The following POLR1C variants were observed in gnomAD, a reference collection of about 807,000 sequenced individuals.
POLR1C encodes DNA-directed RNA polymerases I and III subunit RPAC1.
Under a neutral mutation model 38.3 loss-of-function variants are expected in POLR1C, and 42 were observed. The ratio of observed to expected loss-of-function variants is 1.10; its 90% CI spans 0.86 to 1.42. POLR1C has a LOEUF of 1.42. Ranked by LOEUF, POLR1C falls within the 40% of genes most tolerant of loss-of-function variation. The pLI is 0.00. For missense variants in POLR1C, 507 were observed against 450.5 expected (o/e 1.13, Z -1.14); for synonymous variants, 163 against 163.9 (o/e 0.99, Z 0.04).
At chr6:43,543,229 G>A (rs1794789156) in intron 9 of POLR1C, among the ~76,000 whole-genome samples, 1 of 152,084 alleles carries the variant, frequency 6.6e-6, no homozygotes, top group Non-Finnish European at 1.5e-5. Flanking sequence ...ACTTTGGGAG[G>A]ATCTCTTGAG....
chr6:43,536,787 A>G lies in POLR1C; in HGVS notation c.*4+7428A>G, dbSNP rs796867710. Among the ~76,000 whole-genome samples the G allele has an allele frequency of 5.5e-3, 814 of 148,528 alleles. 13 individuals are homozygous for G. Among genetic ancestry groups the G allele is most frequent in the African/African-American group, 0.02 (774 of 39,082 alleles). ...AAAAAAAAAAAAAAAAAAAAAAAAAAAAAGCAGCTTTACTTTTTGGGTTTT... is the reference window on the plus strand; with the variant it reads ...AAAAAAAAAAAAAAAAAAAAAAAAAGAAAGCAGCTTTACTTTTTGGGTTTT... On this transcript the variant is annotated intron_variant, in intron 9 of 10. Transcript: ENST00000607635.
chr6:43,538,139 C>CTTTTT lies in POLR1C; in HGVS notation c.*4+8804_*4+8808dup, dbSNP rs1160662301. ...TATAAATTTAGAGCCTAAGAGACAT[C>CTTTTT]TTTTTTTTTTTTTTTTTTTTTTTTT... is the stretch of plus-strand genomic sequence containing the variant. On this transcript the variant is annotated intron_variant, in intron 9 of 10. Transcript: ENST00000607635. 2.9e-3 allele frequency among the ~76,000 whole-genome samples: 140 copies of CTTTTT among 48,940 alleles called. 17 individuals carry two copies. The highest frequency in any genetic ancestry group is 0.01 in the African/African-American group (127 of 12,112). The allele number at this position is 48,940 out of a possible 152,430, so 32.1% of individuals were successfully genotyped here. A position where few individuals can be genotyped will look rare whatever the true frequency, so the allele number is the denominator to read the frequency against.
At chr6:43,557,127 CAA>C (rs58974895) in intron 10 of POLR1C, among the ~76,000 whole-genome samples, 20 of 61,042 alleles carry the variant, frequency 3.3e-4, no homozygotes, top group Admixed American at 6.1e-4. Flanking sequence ...GACTCCATCT[CAA>C]AAAAAAAAAA....
At chr6:43,536,411 A>G (rs1399657020) in intron 9 of POLR1C, among the ~76,000 whole-genome samples, 2 of 136,398 alleles carry the variant, frequency 1.5e-5, no homozygotes, top group Non-Finnish European at 3.3e-5. Context: ...TGAGACTCCA[A>G]CTCGACAAAA....
At chr6:43,523,806 C>A (rs752163480), downstream of POLR1C, 2 of 1,613,030 alleles carry the variant, frequency 1.2e-6, no homozygotes, top group East Asian at 2.2e-5. Flanking sequence ...GCCTAGAGAT[C>A]GGCTACAAAG....
chr6:43,551,154 G>C, intron 10 of POLR1C: 1 of 764,902 alleles, frequency 1.3e-6, no homozygotes, highest in Non-Finnish European at 1.9e-6. Context: ...TACTCAGAAG[G>C]GTGAGGTGTG....
downstream of POLR1C, chr6:43,526,289 T>C (rs1052372303): frequency 7.0e-5 from 25 of 356,408 alleles, no homozygotes; most frequent in Non-Finnish European, 1.1e-4. Context: ...ACATGGGAGA[T>C]AGGTAAGAAA....
intron 10 of POLR1C, chr6:43,555,810 A>G (rs756979725): frequency 6.2e-7 from 1 of 1,613,506 alleles, no homozygotes. Context: ...ACATTTCACT[A>G]ACATTCAGTA....
chr6:43,523,939 T>G (rs1177519808), downstream of POLR1C: 4 of 1,614,010 alleles, frequency 2.5e-6, no homozygotes, highest in South Asian at 3.3e-5. Context: ...ATTGGCTTTG[T>G]TTTTTTGAAA....
Position 43,560,154 on chromosome 6 carries a change from CAT to C in POLR1C, c.*49-1245_*49-1244del, listed in dbSNP as rs749053514. Reference sequence around the variant, plus strand: ...ATTATGTGTATTCACCTACATTCCACATGTTTAGATTCCCATTATATACCTTG... The same window carrying C: ...ATTATGTGTATTCACCTACATTCCACGTTTAGATTCCCATTATATACCTTG... On this transcript the variant is annotated intron_variant, in intron 10 of 10. Coordinates refer to the POLR1C transcript ENST00000607635. 5.5e-4 allele frequency: 879 copies of C among 1,608,962 alleles called. 2 individuals are homozygous for C. The highest frequency in any genetic ancestry group is 7.1e-4 in the Non-Finnish European group (836 of 1,177,024).
intron 9 of POLR1C, chr6:43,539,740 T>C: frequency 3.3e-6 from 2 of 610,252 alleles, no homozygotes; most frequent in South Asian, 4.0e-5. Flanking sequence ...CATTTTTCTA[T>C]TCTTGGGAAT....
chr6:43,531,862 A>G (rs747710107), downstream of POLR1C, among the ~76,000 whole-genome samples: 43 of 152,276 alleles, frequency 2.8e-4, no homozygotes, highest in Non-Finnish European at 5.6e-4. Flanking sequence ...ATTTTTCCAT[A>G]AAGCTCTGGG....
chr6:43,536,604 C>T (rs1169431717), intron 9 of POLR1C, among the ~76,000 whole-genome samples: 1 of 151,028 alleles, frequency 6.6e-6, no homozygotes, highest in Admixed American at 6.6e-5. Context: ...ACTAAGAATA[C>T]AGAAATTAGC....
chr6:43,525,149 G>A (rs1447041274), downstream of POLR1C: 1 of 1,583,560 alleles, frequency 6.3e-7, no homozygotes, highest in Non-Finnish European at 8.6e-7. Flanking sequence ...TTGTCCTCTG[G>A]CAGGACAGAG....
At chr6:43,537,978 G>C (rs1794446212) in intron 9 of POLR1C, among the ~76,000 whole-genome samples, 1 of 150,460 alleles carries the variant, frequency 6.6e-6, no homozygotes, top group Non-Finnish European at 1.5e-5. Context: ...TGAGGCAGTC[G>C]AGAGGCTGAG....
chr6:43,520,367 A>G lies in POLR1C; in HGVS notation c.595A>G (p.Ile199Val). The change falls in exon 6 of 9, where the codon ATC becomes GTC. Residue 199 changes from isoleucine (I) to valine (V), a missense_variant. Ile to Val is a conservative substitution (Grantham distance 29). Coordinates refer to ENST00000642195, the MANE Select transcript of POLR1C (RefSeq NM_203290.4). ...TIRPVHDDIL[I>V]AQLRPGQEID... ...CCGACCAGTGCATGATGATATCCTC[A>G]TCGCTCAGCTGCGGCCTGGCCAAGA... 6.2e-7 allele frequency: 1 copy of G among 1,613,330 alleles called. No homozygotes were observed. Among genetic ancestry groups the G allele is most frequent in the Non-Finnish European group, 8.5e-7 (1 of 1,179,586 alleles).
rs144114311 is a variant in POLR1C, at chr6:43,528,970, C to G, written c.923-279C>G. 956 of 1,560,898 alleles carry G rather than the reference C, an allele frequency of 6.1e-4. 10 individuals carry two copies. In the East Asian group the frequency reaches 0.017, roughly 28 times the overall value. On this transcript the variant is annotated intron_variant, in intron 8 of 8. Coordinates refer to the POLR1C transcript ENST00000304004. Reference sequence around the variant, plus strand: ...AATTTTAGTGCATAGGCACACATCTCTCACCTGCCAGGTGGTGGGTTGCAC... The same window carrying G: ...AATTTTAGTGCATAGGCACACATCTGTCACCTGCCAGGTGGTGGGTTGCAC...
At chr6:43,519,106 G>C in intron 2 of POLR1C, 1 of 582,548 alleles carries the variant, frequency 1.7e-6, no homozygotes, top group Non-Finnish European at 3.1e-6. Flanking sequence ...GGATGGTTTG[G>C]TTGGAAGCCA....
At chr6:43,527,697 A>G (rs2127702103) in intron 8 of POLR1C, 1 of 1,613,844 alleles carries the variant, frequency 6.2e-7, no homozygotes, top group East Asian at 2.2e-5. Context: ...ATCTCTTGAG[A>G]CTCTGGGTTT....
Sources: gnomAD v4.1 joint callset for allele counts (sites outside exome capture counted in the v4.1 genomes callset) on GRCh38, gnomAD v4.1.1 for gene constraint, MANE v1.5 for transcripts, NCBI Gene and HGNC (gene_info 2026-07-23, HGNC 2026-07-21) for gene names.